Variants in NCOA1 observed in about 807,000 individuals in gnomAD.
NCOA1 encodes the protein Hin-2 protein.
Under a neutral mutation model 150.9 loss-of-function variants are expected in NCOA1, and 35 were observed. The observed-to-expected ratio is 0.23, with a 90% CI of 0.18 to 0.31. The LOEUF (loss-of-function observed/expected upper bound fraction) is 0.31, where lower values mean the gene tolerates loss of function less well. NCOA1 is among the 10% of genes least tolerant of loss of function. The pLI is 1.00. For synonymous variants in NCOA1, 590 were observed against 630.0 expected, an observed-to-expected ratio of 0.94 and a Z score of 0.95; for missense variants, 1,491 against 1,749.3, an observed-to-expected ratio of 0.85 and a Z score of 2.63.
chr2:24,543,127 G>A (rs1665467524), intron 1 of NCOA1, among the ~76,000 whole-genome samples: 1 of 152,184 alleles, frequency 6.6e-6, no homozygotes, highest in Admixed American at 6.5e-5. Flanking sequence ...GGAAGTTCAG[G>A]AGCTTAGTGC....
chr2:24,625,490 C>T (rs1669368235), intron 3 of NCOA1, among the ~76,000 whole-genome samples: 1 of 151,536 alleles, frequency 6.6e-6, no homozygotes, highest in Non-Finnish European at 1.5e-5. Flanking sequence ...ATTTTTTCTA[C>T]TGTTTTATTT....
intron 1 of NCOA1, among the ~76,000 whole-genome samples, chr2:24,556,791 T>G (rs2148240480): frequency 6.6e-6 from 1 of 152,252 alleles, no homozygotes; most frequent in African/African-American, 2.4e-5. Flanking sequence ...GAATGTGCAT[T>G]AGTTCAACCA....
At chr2:24,724,087 T>C (rs1328897491) in intron 14 of NCOA1, among the ~76,000 whole-genome samples, 1 of 149,950 alleles carries the variant, frequency 6.7e-6, no homozygotes, top group Non-Finnish European at 1.5e-5. Context: ...TGTTTTTTGT[T>C]TTGTTTTGTT....
chr2:24,621,650 T>C (rs1358437856), intron 3 of NCOA1, among the ~76,000 whole-genome samples: 1 of 151,874 alleles, frequency 6.6e-6, no homozygotes, highest in Non-Finnish European at 1.5e-5. Context: ...GGCTAATTTT[T>C]TGTATTTTTA....
Position 24,762,876 on chromosome 2 carries a change from C to T in NCOA1, c.4155+100C>T, listed in dbSNP as rs900266744. 1.0e-5 allele frequency: 11 copies of T among 1,052,652 alleles called. No homozygotes were observed. The African/African-American group carries it at 1.6e-4, about 15-fold the overall frequency. The allele number at this position is 1,052,652 out of a possible 1,614,324, so 65.2% of individuals were successfully genotyped here. A position where few individuals can be genotyped will look rare whatever the true frequency, so the allele number is the denominator to read the frequency against. ...AAGAGCCTGACCTTGGGAGTCAGAC[C>T]TGGGTGTGAGTCCTGGCTCTGCTCT... is the stretch of plus-strand genomic sequence containing the variant. On this transcript the variant is annotated intron_variant, in intron 22 of 22. Transcript: ENST00000348332.
Position 24,648,258 on chromosome 2 carries a change from TGAAG to T in NCOA1, c.-18+4137_-18+4140del, listed in dbSNP as rs1670562016. Among the ~76,000 whole-genome samples the T allele has an allele frequency of 2.0e-5, 3 of 150,476 alleles. No homozygotes were observed. In the Admixed American group the frequency reaches 2.1e-4, roughly 10 times the overall value. On this transcript the variant is annotated intron_variant, in intron 4 of 22. Transcript: ENST00000348332. Reference sequence around the variant, plus strand: ...ATATCTTTTCTATAAATGTGGTCAGTGAAGATTGGCTCATATTGTGATTTTTTTT... The same window carrying T: ...ATATCTTTTCTATAAATGTGGTCAGTATTGGCTCATATTGTGATTTTTTTT...
intron 13 of NCOA1, among the ~76,000 whole-genome samples, chr2:24,710,067 C>T (rs1558306140): frequency 6.7e-6 from 1 of 149,072 alleles, no homozygotes; most frequent in Non-Finnish European, 1.5e-5. Context: ...CCTATTTATT[C>T]TTTTTTATTT....
intron 11 of NCOA1, among the ~76,000 whole-genome samples, chr2:24,702,290 G>C (rs1391372429): frequency 1.3e-5 from 2 of 152,116 alleles, no homozygotes; most frequent in African/African-American, 4.8e-5. Flanking sequence ...AGAACATCTA[G>C]GGGTAATTAT....
At chr2:24,619,817 T>C (rs568627115) in intron 3 of NCOA1, among the ~76,000 whole-genome samples, 2 of 152,248 alleles carry the variant, frequency 1.3e-5, no homozygotes, top group South Asian at 2.1e-4. Flanking sequence ...CAAAGATAAT[T>C]ATAAAATTAT....
intron 3 of NCOA1, among the ~76,000 whole-genome samples, chr2:24,625,364 C>CAAAAA (rs35143423): frequency 2.1e-4 from 17 of 82,136 alleles, no homozygotes; most frequent in African/African-American, 6.2e-4. Context: ...GACTCTGCCT[C>CAAAAA]AAAAAAAAAA....
At chr2:24,656,413 G>T (rs925196938) in intron 4 of NCOA1, among the ~76,000 whole-genome samples, 2 of 152,172 alleles carry the variant, frequency 1.3e-5, no homozygotes, top group Non-Finnish European at 2.9e-5. Context: ...TACAATGTGT[G>T]TGATCAAATC....
chr2:24,581,114 G>A (rs1275069717), intron 2 of NCOA1, among the ~76,000 whole-genome samples: 1 of 152,330 alleles, frequency 6.6e-6, no homozygotes, highest in Middle Eastern at 3.4e-3. Flanking sequence ...GGGCAGGAAT[G>A]TGTCATTATG....
At chr2:24,502,908 G>A (rs958759231) in intron 1 of NCOA1, among the ~76,000 whole-genome samples, 1 of 151,838 alleles carries the variant, frequency 6.6e-6, no homozygotes, top group African/African-American at 2.4e-5. Flanking sequence ...CTTGTTATTC[G>A]CTTGGTACTT....
intron 1 of NCOA1, among the ~76,000 whole-genome samples, chr2:24,550,755 C>T (rs528297983): frequency 1.3e-5 from 2 of 152,270 alleles, no homozygotes; most frequent in African/African-American, 2.4e-5. Context: ...TCCTGTTCAC[C>T]ATCACTTGTT....
chr2:24,564,072 A>G (rs1232176450), intron 1 of NCOA1, among the ~76,000 whole-genome samples: 1 of 152,228 alleles, frequency 6.6e-6, no homozygotes, highest in East Asian at 1.9e-4. Context: ...AAGAGCCAGC[A>G]ACTACCTTTT....
At chr2:24,706,439 C>T in intron 12 of NCOA1, 129 bp from the exon 13 acceptor site, 8 of 1,071,130 alleles carry the variant, frequency 7.5e-6, no homozygotes, top group Non-Finnish European at 1.0e-5. Context: ...TAAGATGGTA[C>T]AGAAGCTCTT....
chr2:24,694,852 A>T (rs1672828412), intron 10 of NCOA1, among the ~76,000 whole-genome samples: 2 of 152,024 alleles, frequency 1.3e-5, no homozygotes, highest in Admixed American at 1.3e-4. Flanking sequence ...TTGAAAATTG[A>T]AAGTATTTTG....
At chr2:24,608,890 G>A (rs763882230) in intron 3 of NCOA1, among the ~76,000 whole-genome samples, 9 of 151,966 alleles carry the variant, frequency 5.9e-5, no homozygotes, top group Non-Finnish European at 1.3e-4. Context: ...CTCTGTTGGG[G>A]TTTGTCTGAT....
At chr2:24,553,133 T>C (rs1665934164) in intron 1 of NCOA1, among the ~76,000 whole-genome samples, 1 of 152,228 alleles carries the variant, frequency 6.6e-6, no homozygotes, top group East Asian at 1.9e-4. Context: ...ATAGATTTGT[T>C]ATAGATACGT....
Sources: allele counts gnomAD v4.1 joint callset (sites outside exome capture counted in the v4.1 genomes callset), GRCh38; gene constraint gnomAD v4.1.1; transcripts MANE v1.5; gene names NCBI Gene and HGNC (gene_info 2026-07-23, HGNC 2026-07-21).